Variants in TAF3 observed in about 807,000 individuals in gnomAD.
TAF3 encodes transcription initiation factor TFIID subunit 3.
In TAF3, 7 loss-of-function variants were observed where a neutral mutation model predicts 80.6. The observed-to-expected ratio is 0.09, with a 90% confidence interval of 0.05 to 0.16. The LOEUF (loss-of-function observed/expected upper bound fraction) is 0.16, where lower values mean the gene tolerates loss of function less well. Among genes scored for constraint, TAF3 ranks in the 10% least tolerant of loss-of-function variants. The pLI is 1.00. For synonymous variants in TAF3, 444 were observed against 446.1 expected (o/e 1.00, Z 0.06); for missense variants, 921 against 1,140.2 (o/e 0.81, Z 2.77).
At chr10:7,829,854 G>C (rs1229215497) in intron 2 of TAF3, among the ~76,000 whole-genome samples, 1 of 152,134 alleles carries the variant, frequency 6.6e-6, no homozygotes, top group African/African-American at 2.4e-5. Flanking sequence ...TGCATATGTT[G>C]TTAGGAACTC....
At chr10:8,000,868 T>C (rs1466169687) in intron 4 of TAF3, among the ~76,000 whole-genome samples, 1 of 152,218 alleles carries the variant, frequency 6.6e-6, no homozygotes. Flanking sequence ...AACTTTTTTC[T>C]AAGTATACAC....
At chr10:7,999,426 TA>T (rs550698627) in intron 4 of TAF3, among the ~76,000 whole-genome samples, 3,699 of 138,198 alleles carry the variant, frequency 0.027, 61 homozygotes, top group East Asian at 0.051. Flanking sequence ...TAAAGGCTGT[TA>T]AAAAAAAAAA....
At chr10:7,946,693 A>G (rs1169980013) in intron 2 of TAF3, among the ~76,000 whole-genome samples, 2 of 150,698 alleles carry the variant, frequency 1.3e-5, no homozygotes, top group Non-Finnish European at 2.9e-5. Flanking sequence ...ACTGCACTCC[A>G]TCCTGGGTGA....
intron 4 of TAF3, among the ~76,000 whole-genome samples, chr10:7,986,376 A>G (rs1356401167): frequency 6.6e-6 from 1 of 152,130 alleles, no homozygotes; most frequent in East Asian, 1.9e-4. Context: ...TATTTCCGCC[A>G]GTGTGGTTCT....
chr10:7,885,991 C>G (rs537488643), intron 2 of TAF3, among the ~76,000 whole-genome samples: 42 of 152,154 alleles, frequency 2.8e-4, no homozygotes, highest in African/African-American at 8.4e-4. Flanking sequence ...TGTAGTGGCG[C>G]GACGATGGCT....
chr10:7,859,307 TAAATAAATAAAA>T (rs1269189767), intron 2 of TAF3, among the ~76,000 whole-genome samples: 19 of 115,640 alleles, frequency 1.6e-4, no homozygotes, highest in Admixed American at 5.2e-4. Flanking sequence ...AATAAATAAA[TAAATAAATAAAA>T]GAGAAGTGTG....
At chr10:7,948,954 A>C (rs1838053783) in intron 2 of TAF3, among the ~76,000 whole-genome samples, 1 of 152,244 alleles carries the variant, frequency 6.6e-6, no homozygotes, top group African/African-American at 2.4e-5. Context: ...AAGTGTAGGA[A>C]CAGCTTCCTC....
At chr10:7,875,718 C>G (rs1837306802) in intron 2 of TAF3, among the ~76,000 whole-genome samples, 1 of 152,028 alleles carries the variant, frequency 6.6e-6, no homozygotes, top group Non-Finnish European at 1.5e-5. Context: ...AGTGAATTTA[C>G]CCCCCAAAGC....
intron 2 of TAF3, among the ~76,000 whole-genome samples, chr10:7,957,475 A>T (rs1032815647): frequency 6.6e-6 from 1 of 152,170 alleles, no homozygotes; most frequent in African/African-American, 2.4e-5. Context: ...GATGGGTATT[A>T]TTATTTAGCA....
chr10:7,847,350 A>G (rs1401742955), intron 2 of TAF3, among the ~76,000 whole-genome samples: 1 of 152,222 alleles, frequency 6.6e-6, no homozygotes, highest in Non-Finnish European at 1.5e-5. Flanking sequence ...TGTGACAAGA[A>G]CCTAGACCAT....
intron 2 of TAF3, among the ~76,000 whole-genome samples, chr10:7,939,030 A>G (rs1161476455): frequency 6.6e-6 from 1 of 152,236 alleles, no homozygotes; most frequent in African/African-American, 2.4e-5. Flanking sequence ...GCTAAAACAT[A>G]CCAGCCTGCA....
intron 2 of TAF3, among the ~76,000 whole-genome samples, chr10:7,962,024 A>G (rs1207886742): frequency 6.6e-6 from 1 of 151,672 alleles, no homozygotes; most frequent in Non-Finnish European, 1.5e-5. Context: ...TAATTTTTGT[A>G]TTTTTTAGTA....
intron 2 of TAF3, among the ~76,000 whole-genome samples, chr10:7,857,697 G>A (rs1364242236): frequency 1.3e-5 from 2 of 152,084 alleles, no homozygotes; most frequent in Non-Finnish European, 1.5e-5. Context: ...TTTCACACGG[G>A]TATAAATATC....
At chr10:7,979,735 G>A (rs1831707905) in intron 4 of TAF3, among the ~76,000 whole-genome samples, 1 of 146,518 alleles carries the variant, frequency 6.8e-6, no homozygotes, top group Non-Finnish European at 1.5e-5. Flanking sequence ...AAAATAGAGC[G>A]AGAAAGAAAG....
chr10:7,973,447 ACTT>A (rs1234587967), intron 3 of TAF3, among the ~76,000 whole-genome samples: 1 of 152,194 alleles, frequency 6.6e-6, no homozygotes, highest in African/African-American at 2.4e-5. Flanking sequence ...GAATATAAGA[ACTT>A]CATATAATTT....
intron 2 of TAF3, among the ~76,000 whole-genome samples, chr10:7,913,971 A>C (rs1438436694): frequency 6.6e-6 from 1 of 152,212 alleles, no homozygotes; most frequent in Non-Finnish European, 1.5e-5. Flanking sequence ...CAGTGGCATG[A>C]AAAAAAGAGA....
At chr10:7,969,889 C>T (rs1831606549) in intron 3 of TAF3, among the ~76,000 whole-genome samples, 1 of 152,228 alleles carries the variant, frequency 6.6e-6, no homozygotes, top group Admixed American at 6.5e-5. Context: ...CTCGCAGACC[C>T]TCTGCTTCCT....
intron 2 of TAF3, among the ~76,000 whole-genome samples, chr10:7,869,046 T>A (rs1035916191): frequency 5.2e-4 from 79 of 152,188 alleles, no homozygotes; most frequent in African/African-American, 1.8e-3. Flanking sequence ...TGTAAAACAA[T>A]ACATCGTAGA....
chr10:7,956,239 C>T (rs1838134331), intron 2 of TAF3, among the ~76,000 whole-genome samples: 1 of 152,056 alleles, frequency 6.6e-6, no homozygotes, highest in African/African-American at 2.4e-5. Flanking sequence ...CCTGTAATCC[C>T]AGCACTTTGA....
Sources: allele counts gnomAD v4.1 joint callset (sites outside exome capture counted in the v4.1 genomes callset), GRCh38; gene constraint gnomAD v4.1.1; transcripts MANE v1.5; gene names NCBI Gene and HGNC (gene_info 2026-07-23, HGNC 2026-07-21).